The following PPP1R1C variants were observed in gnomAD, a reference collection of about 807,000 sequenced individuals.
PPP1R1C encodes protein phosphatase 1 regulatory inhibitor subunit 1C, also known as protein phosphatase 1 regulatory subunit 1C.
PPP1R1C carries 15 observed loss-of-function variants against 17.4 expected under a neutral mutation model. The observed-to-expected ratio is 0.86, with a 90% CI of 0.58 to 1.33. The LOEUF is 1.33. PPP1R1C is among the 40% of genes most tolerant of loss of function. PPP1R1C has a pLI of 0.00. For missense variants in PPP1R1C, 143 were observed against 130.0 expected (o/e 1.10, Z -0.48); for synonymous variants, 35 against 43.1 (o/e 0.81, Z 0.73).
intron 2 of PPP1R1C, among the ~76,000 whole-genome samples, chr2:182,038,114 TG>T (rs1687068602): frequency 6.6e-6 from 1 of 152,162 alleles, no homozygotes; most frequent in Non-Finnish European, 1.5e-5. Context: ...CATGGCTCAC[TG>T]CAGCCTCCAC....
At chr2:182,008,084 T>TAAAA (rs1254951299) in intron 2 of PPP1R1C, among the ~76,000 whole-genome samples, 2 of 25,714 alleles carry the variant, frequency 7.8e-5, no homozygotes, top group African/African-American at 1.2e-4. Flanking sequence ...AACAAACAAA[T>TAAAA]AAATAAAAAA....
chr2:182,074,650 T>C lies in PPP1R1C; in HGVS notation c.241+10859T>C, dbSNP rs191248784. 7.8e-4 allele frequency among the ~76,000 whole-genome samples: 119 copies of C among 152,308 alleles called. 1 individual carries two copies. Among genetic ancestry groups the C allele is most frequent in the African/African-American group, 2.8e-3 (118 of 41,564 alleles). On this transcript the variant is annotated intron_variant, in intron 4 of 4. Transcript: ENST00000682840. ...CAAACTTGTCCTGGTCTATAACATT[T>C]TCCCTCCTAAAACTTTATATTCTTG... is the stretch of plus-strand genomic sequence containing the variant.
intron 4 of PPP1R1C, among the ~76,000 whole-genome samples, chr2:182,073,281 G>A (rs1183329376): frequency 6.6e-6 from 1 of 152,208 alleles, no homozygotes; most frequent in Non-Finnish European, 1.5e-5. Context: ...TGTCCTATTT[G>A]TCTTCCAGGA....
chr2:182,117,209 G>C lies in PPP1R1C; in HGVS notation c.244G>C (p.Val82Leu). 3 of 1,544,182 alleles carry C rather than the reference G, an allele frequency of 1.9e-6. No homozygotes were observed. Among genetic ancestry groups the C allele is most frequent in the Non-Finnish European group, 2.6e-6 (3 of 1,140,944 alleles). Reference protein sequence around the residue: ...SVYTPPTIKGVKHLKGQNESA... With the variant: ...SVYTPPTIKGLKHLKGQNESA... ...TTGCATAATTTTTATAATTTCAGGG[G>C]TTAAGCATCTGAAAGGCCAGAATGA... is the stretch of plus-strand genomic sequence containing the variant. Residue 82 changes from valine (V) to leucine (L), a missense_variant and splice_region_variant, in exon 5 of 5, where the codon GTT becomes CTT. Transcript: ENST00000682840.
intron 2 of PPP1R1C, chr2:182,048,894 G>A (rs1318321489): frequency 1.3e-5 from 2 of 152,320 alleles, no homozygotes; most frequent in African/African-American, 4.8e-5. Context: ...TGAGCCTGGT[G>A]AGTAGTTGGA....
At position 182,010,654 on chromosome 2, in the gene PPP1R1C, A is replaced by G. The variant is rs141603653; in HGVS notation, c.142+22755A>G. The stretch of plus-strand genomic sequence containing the variant: ...AATTTCTCTAGCTAGGATTTCTAGT[A>G]CTATGTTAAATAACAATGGTGAAAG... On this transcript the variant is annotated intron_variant, in intron 2 of 4. Coordinates refer to ENST00000682840, the MANE Select transcript of PPP1R1C (RefSeq NM_001080545.3). Among the ~76,000 whole-genome samples the G allele has an allele frequency of 8.3e-4, 127 of 152,208 alleles. 1 individual carries two copies. In the East Asian group the frequency reaches 0.023, roughly 28 times the overall value.
intron 2 of PPP1R1C, among the ~76,000 whole-genome samples, chr2:182,007,724 G>A (rs1685962513): frequency 6.6e-6 from 1 of 152,140 alleles, no homozygotes; most frequent in South Asian, 2.1e-4. Context: ...AAAATGTAAG[G>A]CCTGAAAATT....
chr2:182,118,493 G>A (rs13398100), downstream of PPP1R1C, among the ~76,000 whole-genome samples: 34,502 of 151,966 alleles, frequency 0.23, 4,215 homozygotes, highest in African/African-American at 0.32. Flanking sequence ...AAAATAAAAA[G>A]ATTTCTCAAA....
At chr2:182,085,712 G>A (rs1457924701) in intron 4 of PPP1R1C, among the ~76,000 whole-genome samples, 1 of 152,126 alleles carries the variant, frequency 6.6e-6, no homozygotes, top group Non-Finnish European at 1.5e-5. Context: ...ATCTATTCTA[G>A]TTATATTTGT....
chr2:182,121,777 C>T (rs113213512), downstream of PPP1R1C, among the ~76,000 whole-genome samples: 1,117 of 152,288 alleles, frequency 7.3e-3, 19 homozygotes, highest in African/African-American at 0.026. Context: ...GCTGGGATTA[C>T]AGGCGTGAGC....
At chr2:182,121,879 C>T (rs1309518885), downstream of PPP1R1C, among the ~76,000 whole-genome samples, 1 of 152,144 alleles carries the variant, frequency 6.6e-6, no homozygotes, top group African/African-American at 2.4e-5. Context: ...TTAAACTCTC[C>T]CCTTCTACAC....
intron 4 of PPP1R1C, among the ~76,000 whole-genome samples, chr2:182,064,791 A>ATC (rs1687942536): frequency 6.6e-6 from 1 of 152,068 alleles, no homozygotes; most frequent in Non-Finnish European, 1.5e-5. Context: ...ACTACTAGGC[A>ATC]TCTCTCTCTG....
intron 4 of PPP1R1C, among the ~76,000 whole-genome samples, chr2:182,093,572 C>T (rs559336886): frequency 6.6e-6 from 1 of 152,300 alleles, no homozygotes; most frequent in Non-Finnish European, 1.5e-5. Context: ...TTATGCTCTG[C>T]TTCCCTTATA....
intron 1 of PPP1R1C, among the ~76,000 whole-genome samples, chr2:181,971,946 A>G (rs547372573): frequency 5.1e-4 from 78 of 152,296 alleles, no homozygotes; most frequent in Non-Finnish European, 8.1e-4. Flanking sequence ...TGGGGGATGG[A>G]GAAGGGATGG....
At chr2:182,055,626 G>A (rs534577798) in intron 2 of PPP1R1C, among the ~76,000 whole-genome samples, 1 of 152,104 alleles carries the variant, frequency 6.6e-6, no homozygotes, top group Non-Finnish European at 1.5e-5. Context: ...ATTCCTAAAG[G>A]ATGATTTTAC....
intron 2 of PPP1R1C, among the ~76,000 whole-genome samples, chr2:182,002,617 C>G (rs1022775512): frequency 6.6e-6 from 1 of 151,840 alleles, no homozygotes; most frequent in Non-Finnish European, 1.5e-5. Context: ...GGTTAAATGT[C>G]TGATAAAGAA....
At chr2:182,081,659 T>C (rs1392684011) in intron 4 of PPP1R1C, among the ~76,000 whole-genome samples, 2 of 152,116 alleles carry the variant, frequency 1.3e-5, no homozygotes, top group African/African-American at 4.8e-5. Context: ...AACTTCTGGA[T>C]GCATTTTGTA....
rs1292504487 is a variant in PPP1R1C, at chr2:181,961,902, A to G, written n.111+7268A>G. ...CTGTCTCCAGTGGCAGCCAAGTGAC[A>G]TTGGTCATCAGTGACCTTGTGGAGC... On this transcript the variant is annotated intron_variant and non_coding_transcript_variant, in intron 1 of 5. Coordinates refer to the PPP1R1C transcript ENST00000464264. This position sits in a 1 kb window ranked among gnomAD's most constrained non-coding sequence, Gnocchi z 5.8. 2.6e-6 allele frequency: 2 copies of G among 758,342 alleles called. No individual in the cohort carries two copies. Among genetic ancestry groups the G allele is most frequent in the Non-Finnish European group, 4.8e-6 (2 of 418,234 alleles). The allele number at this position is 758,342 out of a possible 1,614,324, so 47.0% of individuals were successfully genotyped here. A position where few individuals can be genotyped will look rare whatever the true frequency, so the allele number is the denominator to read the frequency against.
At position 182,041,762 on chromosome 2, in the gene PPP1R1C, G is replaced by A. The variant is rs1196140; in HGVS notation, c.143-19680G>A. Reference sequence around the variant, plus strand: ...AGACCAAAGGGGTCATATAACATACGTCCGTATGTTCTTTCATGTGTTAAT... The same window carrying A: ...AGACCAAAGGGGTCATATAACATACATCCGTATGTTCTTTCATGTGTTAAT... On this transcript the variant is annotated intron_variant, in intron 2 of 4. Coordinates refer to ENST00000682840, the MANE Select transcript of PPP1R1C (RefSeq NM_001080545.3). Among the ~76,000 whole-genome samples, 656 of 152,028 alleles carry A rather than the reference G, an allele frequency of 4.3e-3. 4 individuals carry two copies. The highest frequency in any genetic ancestry group is 0.015 in the African/African-American group (620 of 41,466).
Sources: gnomAD v4.1 joint callset for allele counts (sites outside exome capture counted in the v4.1 genomes callset) on GRCh38, gnomAD v4.1.1 for gene constraint, Gnocchi (gnomAD v3.1) non-coding constraint, MANE v1.5 for transcripts, NCBI Gene and HGNC (gene_info 2026-07-23, HGNC 2026-07-21) for gene names.